Variants in STK32B observed in about 807,000 individuals in gnomAD.
STK32B encodes the protein serine/threonine kinase 32B.
STK32B carries 43 observed loss-of-function variants against 52.6 expected under a neutral mutation model. The observed-to-expected ratio is 0.82, with a 90% confidence interval of 0.64 to 1.05. The LOEUF (loss-of-function observed/expected upper bound fraction) is 1.05, where lower values mean the gene tolerates loss of function less well. Among genes scored for constraint, STK32B ranks in the 50% least tolerant of loss-of-function variants. The pLI is 0.00. For missense variants in STK32B, 621 were observed against 534.6 expected (o/e 1.16, Z -1.59); for synonymous variants, 238 against 204.3 (o/e 1.17, Z -1.41).
At position 5,453,524 on chromosome 4, in the gene STK32B, GCACCTC is replaced by G. The variant is rs1716205703; in HGVS notation, c.667-3281_667-3276del. 6.6e-6 allele frequency among the ~76,000 whole-genome samples: 1 copy of G among 151,996 alleles called. No homozygotes were observed. Among genetic ancestry groups the G allele is most frequent in the Non-Finnish European group, 1.5e-5 (1 of 67,982 alleles). On this transcript the variant is annotated intron_variant, in intron 7 of 11. Transcript: ENST00000282908. The surrounding 1 kb of genome is among the most constrained non-coding windows in gnomAD (Gnocchi z 4.0). ...TGCCCCATCATTGTCCAGGGTCTTT[GCACCTC>G]CTTTTCAGGGTAGGGGTGGGACTGT...
intron 3 of STK32B, among the ~76,000 whole-genome samples, chr4:5,261,064 C>T (rs1726680248): frequency 6.6e-6 from 1 of 152,138 alleles, no homozygotes; most frequent in Non-Finnish European, 1.5e-5. Context: ...GTGGAGACAA[C>T]TCCAAACATG....
chr4:5,170,435 A>T lies in STK32B; in HGVS notation c.260+1985A>T, dbSNP rs1204507102. 2.6e-5 allele frequency among the ~76,000 whole-genome samples: 4 copies of T among 152,028 alleles called. No homozygotes were observed. In the South Asian group the frequency reaches 8.3e-4, roughly 32 times the overall value. On this transcript the variant is annotated intron_variant, in intron 3 of 11. Transcript: ENST00000282908. Reference sequence around the variant, plus strand: ...TAACTCGTCATTTAACATTAGGTATATCTCCTAATGCTATCGCTCCCCCGT... The same window carrying T: ...TAACTCGTCATTTAACATTAGGTATTTCTCCTAATGCTATCGCTCCCCCGT...
intron 3 of STK32B, among the ~76,000 whole-genome samples, chr4:5,215,962 T>C (rs188326778): frequency 3.5e-4 from 53 of 152,282 alleles, no homozygotes; most frequent in African/African-American, 1.2e-3. Context: ...TGTGAGAAAA[T>C]CCTGCCTGTC....
rs1246840754 is a variant in STK32B, at chr4:5,500,292, A to AAAACT, written c.*1212_*1216dup. ...TTCCTCATTTTTAAACAGGGATAAT[A>AAAACT]AAACTAATATTGCAGGGGAGTTACA... On this transcript the variant is annotated 3_prime_UTR_variant, in exon 12 of 12. Transcript: ENST00000282908. 2.6e-5 allele frequency: 4 copies of AAAACT among 152,248 alleles called. No homozygotes were observed. The highest frequency in any genetic ancestry group is 9.6e-5 in the African/African-American group (4 of 41,472). The allele number at this position is 152,248 out of a possible 1,614,324, so 9.4% of individuals were successfully genotyped here. A position where few individuals can be genotyped will look rare whatever the true frequency, so the allele number is the denominator to read the frequency against.
At chr4:5,028,299 C>A in the STK32B span, among the ~76,000 whole-genome samples, 100 of 152,258 alleles carry the variant, frequency 6.6e-4, no homozygotes, top group Non-Finnish European at 1.1e-3. Flanking sequence ...GGGCTCACCA[C>A]CACACCCAGC....
intron 4 of STK32B, among the ~76,000 whole-genome samples, chr4:5,393,491 C>T (rs137901470): frequency 5.8e-4 from 88 of 152,274 alleles, no homozygotes; most frequent in African/African-American, 1.9e-3. Flanking sequence ...GAAGGCAGTA[C>T]AGGAAGCATG....
the STK32B span, among the ~76,000 whole-genome samples, chr4:5,039,661 T>C: frequency 1.3e-5 from 2 of 152,248 alleles, no homozygotes; most frequent in Non-Finnish European, 2.9e-5. Flanking sequence ...TTATCAGGTG[T>C]TATGTACTGT....
At chr4:5,111,541 C>T (rs1050891986) in intron 1 of STK32B, among the ~76,000 whole-genome samples, 1 of 152,032 alleles carries the variant, frequency 6.6e-6, no homozygotes, top group African/African-American at 2.4e-5. Context: ...CATGTTCTCA[C>T]TTATAAGTGG....
At chr4:5,376,292 T>C (rs1044428235) in intron 4 of STK32B, among the ~76,000 whole-genome samples, 4 of 152,226 alleles carry the variant, frequency 2.6e-5, no homozygotes, top group African/African-American at 9.6e-5. Flanking sequence ...ACAGTCTTGC[T>C]GGGGGACTCA....
rs1311288333 is a variant in STK32B, at chr4:5,470,311, A to G, written c.1106+2241A>G. Among the ~76,000 whole-genome samples, 1 of 152,154 alleles carries G rather than the reference A, an allele frequency of 6.6e-6. No homozygotes were observed. The highest frequency in any genetic ancestry group is 1.5e-5 in the Non-Finnish European group (1 of 68,036). ...GATTTGCAGTCAGCCTATGGACACC[A>G]TTGAGATTTGGCATCGGGGATTGGA... On this transcript the variant is annotated intron_variant, in intron 11 of 11. Coordinates refer to ENST00000282908, the MANE Select transcript of STK32B (RefSeq NM_018401.3). This position sits in a 1 kb window ranked among gnomAD's most constrained non-coding sequence, Gnocchi z 4.6.
chr4:5,183,601 G>A (rs1200864478), intron 3 of STK32B, among the ~76,000 whole-genome samples: 1 of 152,234 alleles, frequency 6.6e-6, no homozygotes, highest in Non-Finnish European at 1.5e-5. Context: ...GGGATGGCCA[G>A]TGAGTGGAGC....
chr4:5,022,950 G>A, the STK32B span, among the ~76,000 whole-genome samples: 1 of 152,160 alleles, frequency 6.6e-6, no homozygotes, highest in Non-Finnish European at 1.5e-5. Context: ...CCTATCAGGT[G>A]AGAGCTGAGA....
chr4:5,438,408 C>A (rs1198635620), intron 6 of STK32B, among the ~76,000 whole-genome samples: 2 of 152,162 alleles, frequency 1.3e-5, no homozygotes, highest in African/African-American at 4.8e-5. Context: ...GATGATCTAT[C>A]ACCGATAGGA....
rs1488437775 is a variant in STK32B at position 5,159,596 on chromosome 4, TGA to T, written c.109-8702_109-8701del. On this transcript the variant is annotated intron_variant, in intron 2 of 11. Coordinates refer to ENST00000282908, the MANE Select transcript of STK32B (RefSeq NM_018401.3). ...ATATGAATATATATATGAATATATA[TGA>T]ATATATATATGAATATATATGAATA... Among the ~76,000 whole-genome samples the T allele has an allele frequency of 2.1e-3, 257 of 123,734 alleles. 29 individuals carry two copies. The highest frequency in any genetic ancestry group is 6.7e-3 in the African/African-American group (182 of 26,998). 81.2% of individuals were successfully genotyped at this position (123,734 alleles called of 152,430 possible).
At chr4:5,433,156 G>C (rs1373844552) in intron 6 of STK32B, among the ~76,000 whole-genome samples, 1 of 131,382 alleles carries the variant, frequency 7.6e-6, no homozygotes, top group African/African-American at 2.8e-5. Flanking sequence ...AGATGAAAAA[G>C]GACCAGAGTA....
In STK32B at chr4:5,096,488, A is replaced by G. The variant is rs7657935; in HGVS notation, c.53-43417A>G. Among the ~76,000 whole-genome samples, 1,018 of 146,730 alleles carry G rather than the reference A, an allele frequency of 6.9e-3. 14 individuals are homozygous for G. The highest frequency in any genetic ancestry group is 0.024 in the African/African-American group (980 of 40,494). ...ATGGCCTTTTGACAACAAAAAGCAA[A>G]CATTCCAACGGTCACCACACACATC... On this transcript the variant is annotated intron_variant, in intron 1 of 11. Coordinates refer to ENST00000282908, the MANE Select transcript of STK32B (RefSeq NM_018401.3).
chr4:5,402,471 T>C (rs1577449753), intron 5 of STK32B, among the ~76,000 whole-genome samples: 1 of 152,244 alleles, frequency 6.6e-6, no homozygotes, highest in East Asian at 1.9e-4. Flanking sequence ...ATGATGACCA[T>C]AAAGAATGTA....
intron 3 of STK32B, among the ~76,000 whole-genome samples, chr4:5,195,222 A>G (rs1721543552): frequency 6.6e-6 from 1 of 152,146 alleles, no homozygotes; most frequent in Non-Finnish European, 1.5e-5. Context: ...TTGGCAGGAC[A>G]TGTACCTTTG....
intron 1 of STK32B, among the ~76,000 whole-genome samples, chr4:5,125,740 C>T (rs1034672364): frequency 6.6e-6 from 1 of 152,196 alleles, no homozygotes; most frequent in African/African-American, 2.4e-5. Context: ...CTGCTTTCAT[C>T]AAGAGGTCTG....
Sources: gnomAD v4.1 joint callset for allele counts (sites outside exome capture counted in the v4.1 genomes callset) on GRCh38, gnomAD v4.1.1 for gene constraint, Gnocchi (gnomAD v3.1) non-coding constraint, MANE v1.5 for transcripts, NCBI Gene and HGNC (gene_info 2026-07-23, HGNC 2026-07-21) for gene names.